Variants in SERPINB12 observed in about 807,000 individuals in gnomAD.
SERPINB12 encodes the protein serpin B12.
Under a neutral mutation model 41.1 loss-of-function variants are expected in SERPINB12, and 57 were observed. The observed-to-expected ratio is 1.39, with a 90% confidence interval of 1.12 to 1.73. The LOEUF is 1.73. SERPINB12 is among the 40% of genes most tolerant of loss of function. The pLI is 0.00. For synonymous variants in SERPINB12, 180 were observed against 181.3 expected, an observed-to-expected ratio of 0.99 and a Z score of 0.06; for missense variants, 536 against 501.9, an observed-to-expected ratio of 1.07 and a Z score of -0.65.
upstream of SERPINB12, among the ~76,000 whole-genome samples, chr18:63,538,904 T>C (rs1223691818): frequency 2.0e-5 from 3 of 152,320 alleles, no homozygotes; most frequent in Non-Finnish European, 4.4e-5. Context: ...TAAAGCGGTA[T>C]CTCACTGTAG....
intron 4 of SERPINB12, 51 bp from the exon 5 acceptor site, chr18:63,561,034 C>A: frequency 8.5e-7 from 1 of 1,182,184 alleles, no homozygotes; most frequent in Non-Finnish European, 1.3e-6. Context: ...TAACTACGAG[C>A]ATCACTGCCT....
chr18:63,536,074 T>C, the SERPINB12 span, among the ~76,000 whole-genome samples: 2 of 151,938 alleles, frequency 1.3e-5, no homozygotes, highest in Admixed American at 1.3e-4. Flanking sequence ...AGACAAAATG[T>C]TAATAATTGG....
At chr18:63,525,915 AT>A in the SERPINB12 span, among the ~76,000 whole-genome samples, 2 of 152,206 alleles carry the variant, frequency 1.3e-5, no homozygotes, top group African/African-American at 4.8e-5. Flanking sequence ...AACTAGCCTT[AT>A]TCATGAAAGA....
chr18:63,519,757 A>G, the SERPINB12 span, among the ~76,000 whole-genome samples: 9 of 152,300 alleles, frequency 5.9e-5, no homozygotes, highest in African/African-American at 1.9e-4. Context: ...TAGGAGTCCT[A>G]AAAATTTCAT....
chr18:63,540,935 A>G, upstream of SERPINB12, among the ~76,000 whole-genome samples: 1 of 152,182 alleles, frequency 6.6e-6, no homozygotes, highest in East Asian at 1.9e-4. Flanking sequence ...AGCTATGTAT[A>G]AAGTGTGTGT....
At chr18:63,556,121 C>T (rs771563927) in intron 1 of SERPINB12, 21 bp from the exon 2 acceptor site, 3 of 1,551,430 alleles carry the variant, frequency 1.9e-6, no homozygotes, top group Admixed American at 1.9e-5. Flanking sequence ...TTTTCTCTTT[C>T]TCCTTTTTTT....
intron 4 of SERPINB12, 77 bp from the exon 5 acceptor site, chr18:63,561,008 A>G: frequency 2.2e-6 from 2 of 910,048 alleles, no homozygotes; most frequent in Non-Finnish European, 3.5e-6. Context: ...GAGACTTCTC[A>G]GGAGAGTCTC....
rs1599429736 is a variant in SERPINB12 at position 63,565,669 on chromosome 18, A to G, written c.873+57A>G. The G allele has an allele frequency of 5.4e-6, 8 of 1,471,838 alleles. No individual in the cohort carries two copies. The East Asian group carries it at 6.9e-5, about 13-fold the overall frequency. 91.2% of individuals were successfully genotyped at this position (1,471,838 alleles called of 1,614,324 possible). A position where few individuals can be genotyped will look rare whatever the true frequency, so the allele number is the denominator to read the frequency against. Reference sequence around the variant, plus strand: ...ATTTAATGATAGATCTTTAGAGAACAACACTGTCTACTATCTACCATCTCG... The same window carrying G: ...ATTTAATGATAGATCTTTAGAGAACGACACTGTCTACTATCTACCATCTCG... On this transcript the variant is annotated intron_variant, in intron 7 of 7. Transcript: ENST00000382768.
At chr18:63,547,472 T>G (rs1208620826) in intron 1 of SERPINB12, among the ~76,000 whole-genome samples, 1 of 152,188 alleles carries the variant, frequency 6.6e-6, no homozygotes, top group Non-Finnish European at 1.5e-5. Context: ...GGTTTGAATA[T>G]TTGTTCCAGC....
chr18:63,532,695 AG>A, the SERPINB12 span, among the ~76,000 whole-genome samples: 1 of 152,256 alleles, frequency 6.6e-6, no homozygotes, highest in African/African-American at 2.4e-5. Flanking sequence ...TGATTCTTGA[AG>A]TTCAGTAGGA....
At chr18:63,553,364 C>G (rs1181581798) in intron 1 of SERPINB12, among the ~76,000 whole-genome samples, 1 of 152,092 alleles carries the variant, frequency 6.6e-6, no homozygotes, top group Non-Finnish European at 1.5e-5. Context: ...CTCATTTGGC[C>G]TCAGTTTTTT....
chr18:63,540,986 A>G (rs190451993), upstream of SERPINB12, among the ~76,000 whole-genome samples: 12 of 152,302 alleles, frequency 7.9e-5, no homozygotes, highest in African/African-American at 2.4e-4. Flanking sequence ...CTTACAAATT[A>G]TCTTTACTTT....
chr18:63,553,544 C>G (rs1231985865), intron 1 of SERPINB12, among the ~76,000 whole-genome samples: 2 of 152,172 alleles, frequency 1.3e-5, no homozygotes, highest in Non-Finnish European at 1.5e-5. Flanking sequence ...TTCAGTCTTT[C>G]TAACCAACCC....
In SERPINB12 at chr18:63,557,732, C is replaced by T. The variant is rs147030357; in HGVS notation, c.169-620C>T. The stretch of plus-strand genomic sequence containing the variant: ...TGGGTCTGAGTAGTGCAGGATATGA[C>T]GCCTGTCTCCTACCTTTCTACCAGG... On this transcript the variant is annotated intron_variant, in intron 2 of 7. Coordinates refer to ENST00000382768, the MANE Select transcript of SERPINB12 (RefSeq NM_001307928.2). Among the ~76,000 whole-genome samples the T allele has an allele frequency of 4.7e-3, 714 of 152,294 alleles. 5 individuals carry two copies. Among genetic ancestry groups the T allele is most frequent in the African/African-American group, 0.016 (675 of 41,562 alleles).
chr18:63,549,506 A>G (rs1436098968), intron 1 of SERPINB12, among the ~76,000 whole-genome samples: 1 of 151,972 alleles, frequency 6.6e-6, no homozygotes, highest in African/African-American at 2.4e-5. Context: ...CATTGTGGAT[A>G]GTACATGGGA....
the SERPINB12 span, among the ~76,000 whole-genome samples, chr18:63,519,949 C>T: frequency 2.6e-5 from 4 of 152,150 alleles, no homozygotes; most frequent in Non-Finnish European, 4.4e-5. Flanking sequence ...GGGGCTGGCT[C>T]ATTGTCATGG....
the SERPINB12 span, among the ~76,000 whole-genome samples, chr18:63,519,380 A>G: frequency 6.6e-6 from 1 of 152,226 alleles, no homozygotes; most frequent in East Asian, 1.9e-4. Flanking sequence ...TCTACTCTGT[A>G]CCAGCCATGT....
At chr18:63,554,479 C>A (rs1910611546) in intron 1 of SERPINB12, among the ~76,000 whole-genome samples, 1 of 152,142 alleles carries the variant, frequency 6.6e-6, no homozygotes, top group Non-Finnish European at 1.5e-5. Context: ...CCATTCAATG[C>A]AGCAATATTT....
chr18:63,562,436 C>T (rs777448686), intron 5 of SERPINB12, among the ~76,000 whole-genome samples: 2 of 152,170 alleles, frequency 1.3e-5, no homozygotes, highest in Non-Finnish European at 2.9e-5. Context: ...CATTTGCATA[C>T]ATTTTGAGTG....
Sources: allele counts gnomAD v4.1 joint callset (sites outside exome capture counted in the v4.1 genomes callset), GRCh38; gene constraint gnomAD v4.1.1; transcripts MANE v1.5; gene names NCBI Gene and HGNC (gene_info 2026-07-23, HGNC 2026-07-21).